UNC13C: variants seen among roughly 807,000 people sequenced by gnomAD.
The protein encoded by UNC13C is unc-13 homolog C, also known as protein unc-13 homolog C.
A neutral mutation model predicts 245.4 loss-of-function variants in UNC13C; 174 were observed. That is an observed-to-expected ratio of 0.71 (90% CI 0.63 to 0.80). UNC13C has a LOEUF of 0.80. Among genes scored for constraint, UNC13C ranks in the 30% least tolerant of loss-of-function variants. The pLI, the probability that UNC13C is intolerant of heterozygous loss-of-function variation, is 0.00. For missense variants in UNC13C, 2,829 were observed against 2,602.9 expected (o/e 1.09, Z -1.89); for synonymous variants, 992 against 895.1 (o/e 1.11, Z -1.93).
intron 17 of UNC13C, among the ~76,000 whole-genome samples, chr15:54,348,375 T>C (rs1209963285): frequency 6.6e-6 from 1 of 152,182 alleles, no homozygotes; most frequent in Non-Finnish European, 1.5e-5. Context: ...AAAATACCTT[T>C]TGTCTGATAC....
chr15:53,890,714 CT>C, the UNC13C span, among the ~76,000 whole-genome samples: 1 of 151,760 alleles, frequency 6.6e-6, no homozygotes, highest in Non-Finnish European at 1.5e-5. Flanking sequence ...GGTGATATCC[CT>C]TTTATCATTT....
the UNC13C span, among the ~76,000 whole-genome samples, chr15:53,943,001 C>A: frequency 6.6e-6 from 1 of 152,134 alleles, no homozygotes; most frequent in Non-Finnish European, 1.5e-5. Context: ...TTTATGAAAT[C>A]TTTCTTTTCA....
intron 2 of UNC13C, among the ~76,000 whole-genome samples, chr15:54,130,835 T>A (rs1428123529): frequency 6.6e-6 from 1 of 152,220 alleles, no homozygotes; most frequent in Non-Finnish European, 1.5e-5. Flanking sequence ...TCTGGTTTTA[T>A]TCAAATAGTT....
chr15:54,622,588 A>C (rs1232768303), intron 31 of UNC13C, among the ~76,000 whole-genome samples, 169 bp downstream of exon 31: 1 of 152,218 alleles, frequency 6.6e-6, no homozygotes, highest in Non-Finnish European at 1.5e-5. Context: ...GAAAAATATC[A>C]ATGGCACTAA....
intron 19 of UNC13C, among the ~76,000 whole-genome samples, chr15:54,433,478 A>G (rs1260375619): frequency 1.3e-5 from 2 of 152,160 alleles, no homozygotes; most frequent in Non-Finnish European, 2.9e-5. Flanking sequence ...ACCAATGACA[A>G]AAACCACACA....
At chr15:54,528,290 G>A (rs530121194) in intron 25 of UNC13C, among the ~76,000 whole-genome samples, 1 of 147,210 alleles carries the variant, frequency 6.8e-6, no homozygotes, top group Admixed American at 6.9e-5. Context: ...GCTTACACAT[G>A]TTTTGCAGTT....
chr15:53,904,314 A>G, the UNC13C span, among the ~76,000 whole-genome samples: 5 of 152,302 alleles, frequency 3.3e-5, no homozygotes, highest in South Asian at 2.1e-4. Flanking sequence ...GTGATAAAAC[A>G]TTTGTTATAT....
Position 54,408,199 on chromosome 15 carries a change from C to CAAAAAAAAAAAAAAAAA in UNC13C, c.4848-6769_4848-6753dup, listed in dbSNP as rs71105808. 5.5e-4 allele frequency among the ~76,000 whole-genome samples: 16 copies of CAAAAAAAAAAAAAAAAA among 29,126 alleles called. 3 individuals are homozygous for CAAAAAAAAAAAAAAAAA. Among genetic ancestry groups the CAAAAAAAAAAAAAAAAA allele is most frequent in the Non-Finnish European group, 7.6e-4 (10 of 13,224 alleles). The allele number at this position is 29,126 out of a possible 152,430, so 19.1% of individuals were successfully genotyped here. On this transcript the variant is annotated intron_variant, in intron 18 of 32. Coordinates refer to ENST00000260323, the MANE Select transcript of UNC13C (RefSeq NM_001080534.3). The stretch of plus-strand genomic sequence containing the variant: ...TGGGTGACAGAGTGAGACTCTGCCT[C>CAAAAAAAAAAAAAAAAA]AAAAAAAAAAAAAAAAAAAAAAAAA...
At chr15:53,966,357 C>A in the UNC13C span, among the ~76,000 whole-genome samples, 271 of 152,246 alleles carry the variant, frequency 1.8e-3, 3 homozygotes, top group South Asian at 5.0e-3. Flanking sequence ...AGTGTTAGCA[C>A]TATTTTATGC....
chr15:54,127,989 T>C (rs1303598149), intron 2 of UNC13C, among the ~76,000 whole-genome samples: 1 of 151,842 alleles, frequency 6.6e-6, no homozygotes, highest in African/African-American at 2.4e-5. Flanking sequence ...CTCTCTCCTC[T>C]GAAGATACGA....
At position 54,439,605 on chromosome 15, in the gene UNC13C, A is replaced by G. The variant is rs533691956; in HGVS notation, c.4933+24538A>G. On this transcript the variant is annotated intron_variant, in intron 19 of 32. Transcript: ENST00000260323. ...CATAGATGCATTTATGTATTTTCAC[A>G]TATTTTTAGATTTTTGCATATTGAT... 4.6e-5 allele frequency among the ~76,000 whole-genome samples: 7 copies of G among 152,048 alleles called. No individual in the cohort carries two copies. The South Asian group carries it at 1.2e-3, about 27-fold the overall frequency.
In UNC13C at chr15:54,086,920, G is replaced by C. The variant is rs151261764; in HGVS notation, c.2984-56098G>C. The stretch of plus-strand genomic sequence containing the variant: ...CAGCTAATTTTTTGTATTTTTAGTA[G>C]AGACGGGGTTTCACCATCTTGGTCA... On this transcript the variant is annotated intron_variant, in intron 2 of 32. Transcript: ENST00000260323. Among the ~76,000 whole-genome samples the C allele has an allele frequency of 4.8e-3, 733 of 151,774 alleles. 4 individuals carry two copies. Among genetic ancestry groups the C allele is most frequent in the African/African-American group, 0.017 (690 of 41,446 alleles).
intron 4 of UNC13C, among the ~76,000 whole-genome samples, chr15:54,181,045 G>A (rs1382300228): frequency 6.6e-6 from 1 of 151,666 alleles, no homozygotes; most frequent in Non-Finnish European, 1.5e-5. Flanking sequence ...TTGCTTTTGA[G>A]GACTTAGTCA....
intron 29 of UNC13C, among the ~76,000 whole-genome samples, chr15:54,564,818 C>T (rs900121636): frequency 3.3e-5 from 5 of 152,040 alleles, no homozygotes; most frequent in African/African-American, 1.2e-4. Context: ...AGTGCAGTGT[C>T]ATCTCTTAAC....
At chr15:54,073,196 G>A (rs1240551083) in intron 2 of UNC13C, among the ~76,000 whole-genome samples, 1 of 152,066 alleles carries the variant, frequency 6.6e-6, no homozygotes, top group African/African-American at 2.4e-5. Flanking sequence ...CCATGTCCCT[G>A]TAAAGGACAT....
intron 1 of UNC13C, among the ~76,000 whole-genome samples, 179 bp from the exon 2 acceptor site, chr15:54,012,469 T>C (rs981496814): frequency 1.3e-5 from 2 of 152,218 alleles, no homozygotes; most frequent in African/African-American, 4.8e-5. Context: ...TAGTTATTGG[T>C]AGTGATTTGC....
Position 54,546,826 on chromosome 15 carries a change from C to T in UNC13C, c.5801C>T (p.Pro1934Leu). The change falls in exon 27 of 33, where the codon CCT (proline) becomes CTT (leucine). Residue 1934 changes from proline (P) to leucine (L), a missense_variant. Pro to Leu is a moderately conservative substitution (Grantham distance 98). Transcript: ENST00000260323. ...AAAATAGAAAAACAAATTGTTCTTC[C>T]TCCTCTGACAGATCAAACAGTAAGT... The part of the protein sequence containing the change: ...LNKIEKQIVL[P>L]PLTDQTGPQM... The T allele has an allele frequency of 6.3e-7, 1 of 1,579,444 alleles. No homozygotes were observed.
At chr15:53,975,413 CAG>C (rs1193762653), upstream of UNC13C, among the ~76,000 whole-genome samples, 1 of 152,100 alleles carries the variant, frequency 6.6e-6, no homozygotes, top group Non-Finnish European at 1.5e-5. Flanking sequence ...TGCATGGAAA[CAG>C]AGAGCCAATG....
intron 2 of UNC13C, among the ~76,000 whole-genome samples, chr15:54,089,238 G>A (rs577712482): frequency 6.1e-4 from 93 of 152,260 alleles, no homozygotes; most frequent in South Asian, 2.7e-3. Flanking sequence ...AAAACTAAAA[G>A]CAAGGTATGC....
Sources: gnomAD v4.1 joint callset for allele counts (sites outside exome capture counted in the v4.1 genomes callset) on GRCh38, gnomAD v4.1.1 for gene constraint, MANE v1.5 for transcripts, NCBI Gene and HGNC (gene_info 2026-07-23, HGNC 2026-07-21) for gene names.